The following OGDH variants were observed in gnomAD, a reference collection of about 807,000 sequenced individuals.
OGDH encodes the protein 2-oxoglutarate dehydrogenase complex component E1.
Under a neutral mutation model 116.6 loss-of-function variants are expected in OGDH, and 38 were observed. The ratio of observed to expected loss-of-function variants is 0.33; its 90% CI spans 0.25 to 0.43. The LOEUF is 0.43. OGDH is among the 20% of genes least tolerant of loss of function. The pLI is 1.00. For missense variants in OGDH, 825 were observed against 1,357.2 expected, an observed-to-expected ratio of 0.61 and a Z score of 6.16; for synonymous variants, 488 against 533.3, an observed-to-expected ratio of 0.92 and a Z score of 1.17.
intron 4 of OGDH, among the ~76,000 whole-genome samples, chr7:44,662,464 C>CTTTTT (rs199533460): frequency 5.7e-4 from 75 of 130,756 alleles, no homozygotes; most frequent in Non-Finnish European, 9.4e-4. Flanking sequence ...CTTTTCTTTT[C>CTTTTT]TTTTTTTTTT....
chr7:44,614,220 G>C (rs1171027829), intron 1 of OGDH, among the ~76,000 whole-genome samples: 1 of 151,098 alleles, frequency 6.6e-6, no homozygotes, highest in Non-Finnish European at 1.5e-5. Flanking sequence ...CCAAAGTGCT[G>C]GGATTACAGG....
chr7:44,614,694 A>G (rs916687716), intron 1 of OGDH, among the ~76,000 whole-genome samples: 6 of 152,054 alleles, frequency 3.9e-5, no homozygotes, highest in Admixed American at 1.3e-4. Context: ...TGTTTCAAGC[A>G]TGTTCATAGT....
chr7:44,656,409 T>C, intron 4 of OGDH: 1 of 1,508,538 alleles, frequency 6.6e-7, no homozygotes, highest in South Asian at 1.2e-5. Flanking sequence ...GAGGACTTCA[T>C]TTGAATAGGA....
At chr7:44,610,188 A>T (rs1174395002) in intron 1 of OGDH, among the ~76,000 whole-genome samples, 1 of 152,026 alleles carries the variant, frequency 6.6e-6, no homozygotes, top group Non-Finnish European at 1.5e-5. Context: ...GGTTTTTGTT[A>T]ACTGTTGAGC....
intron 2 of OGDH, among the ~76,000 whole-genome samples, chr7:44,642,694 C>A (rs757346931): frequency 2.0e-5 from 3 of 151,962 alleles, no homozygotes; most frequent in Non-Finnish European, 4.4e-5. Context: ...GAGGCCAAGG[C>A]GGGTGGATCA....
chr7:44,633,240 G>T (rs943025823), intron 2 of OGDH, among the ~76,000 whole-genome samples: 1 of 131,074 alleles, frequency 7.6e-6, no homozygotes, highest in Non-Finnish European at 1.6e-5. Flanking sequence ...GCAACAGAGC[G>T]AGACTCTGTG....
chr7:44,703,873 G>A (rs531513015), intron 20 of OGDH, among the ~76,000 whole-genome samples: 31 of 150,222 alleles, frequency 2.1e-4, no homozygotes, highest in Non-Finnish European at 3.0e-4. Context: ...CAACAAGAGC[G>A]AAACTCCGTC....
At position 44,692,582 on chromosome 7, in the gene OGDH, A is replaced by G. The variant is rs574461371; in HGVS notation, c.1336-1243A>G. On this transcript the variant is annotated intron_variant, in intron 10 of 22. Coordinates refer to ENST00000222673, the MANE Select transcript of OGDH (RefSeq NM_002541.4). ...ATGGCGAAACCGTTGGGATTTGTTC[A>G]TGTTAGGTGAAGGCGTTAAGGATGA... is the stretch of plus-strand genomic sequence containing the variant. 5.9e-5 allele frequency among the ~76,000 whole-genome samples: 9 copies of G among 152,338 alleles called. No individual in the cohort carries two copies. In the South Asian group the frequency reaches 1.7e-3, roughly 28 times the overall value.
intron 2 of OGDH, among the ~76,000 whole-genome samples, chr7:44,627,657 A>T (rs1470423865): frequency 6.6e-6 from 1 of 151,710 alleles, no homozygotes; most frequent in African/African-American, 2.4e-5. Context: ...CTACTTTCCC[A>T]TTGTTGTTTT....
At chr7:44,670,782 G>A (rs994620400) in intron 5 of OGDH, among the ~76,000 whole-genome samples, 1 of 152,028 alleles carries the variant, frequency 6.6e-6, no homozygotes, top group Admixed American at 6.6e-5. Flanking sequence ...AGGCCAAGGC[G>A]GGCGAATCAC....
chr7:44,708,005 G>C lies in OGDH; in HGVS notation c.*6G>C. 1 of 1,610,950 alleles carries C rather than the reference G, an allele frequency of 6.2e-7. No individual in the cohort carries two copies. Among genetic ancestry groups the C allele is most frequent in the Non-Finnish European group, 8.5e-7 (1 of 1,179,244 alleles). ...TCTTCAAGAACTTCTCGTAGATGCT[G>C]CCTAGGGTTGCTTGGGCCACTGCCC... is the stretch of plus-strand genomic sequence containing the variant. On this transcript the variant is annotated 3_prime_UTR_variant, in exon 23 of 23. Coordinates refer to ENST00000222673, the MANE Select transcript of OGDH (RefSeq NM_002541.4).
chr7:44,671,870 C>T (rs1454428506), intron 5 of OGDH, among the ~76,000 whole-genome samples: 2 of 151,294 alleles, frequency 1.3e-5, no homozygotes, highest in East Asian at 3.9e-4. Context: ...GAGATCAAGA[C>T]CATCATGGCT....
At chr7:44,615,729 C>T (rs1384942346) in intron 1 of OGDH, among the ~76,000 whole-genome samples, 27 of 152,104 alleles carry the variant, frequency 1.8e-4, no homozygotes, top group Non-Finnish European at 2.9e-5. Flanking sequence ...ACACATGAAG[C>T]ATAAAGAAAA....
At chr7:44,683,639 T>C (rs1788019732) in intron 10 of OGDH, among the ~76,000 whole-genome samples, 1 of 152,226 alleles carries the variant, frequency 6.6e-6, no homozygotes, top group East Asian at 1.9e-4. Flanking sequence ...CCACTCTTAT[T>C]TACCACATAT....
chr7:44,658,508 C>A (rs1786795326), intron 4 of OGDH, among the ~76,000 whole-genome samples: 1 of 143,904 alleles, frequency 6.9e-6, no homozygotes, highest in African/African-American at 2.6e-5. Context: ...GTCATGTCAT[C>A]TGAAAATAGG....
At chr7:44,614,836 T>C in intron 1 of OGDH, among the ~76,000 whole-genome samples, 1 of 118,304 alleles carries the variant, frequency 8.5e-6, no homozygotes, top group South Asian at 3.8e-4. Context: ...TTTTGGTTCT[T>C]TTTTTTTTTT....
chr7:44,696,272 C>T lies in OGDH; in HGVS notation c.1771+145C>T. On this transcript the variant is annotated intron_variant, in intron 13 of 22. Coordinates refer to ENST00000222673, the MANE Select transcript of OGDH (RefSeq NM_002541.4). ...CCATTTCAGCAAAGCCCCCTGCAGA[C>T]CCTGGACCCAGACCCCTGCATTAAT... 8.4e-6 allele frequency: 9 copies of T among 1,074,216 alleles called. 2 individuals are homozygous for T. In the South Asian group the frequency reaches 1.2e-4, roughly 14 times the overall value. The allele number at this position is 1,074,216 out of a possible 1,614,324, so 66.5% of individuals were successfully genotyped here.
intron 5 of OGDH, among the ~76,000 whole-genome samples, chr7:44,667,164 T>C (rs1787221471): frequency 1.3e-5 from 2 of 152,126 alleles, no homozygotes. Context: ...TTCCTCAGGC[T>C]GGTCTCAAAT....
chr7:44,648,335 G>C (rs1007068258), intron 4 of OGDH, among the ~76,000 whole-genome samples: 4 of 152,334 alleles, frequency 2.6e-5, no homozygotes, highest in African/African-American at 9.6e-5. Context: ...GGAGGTGCAT[G>C]TATGGAGCAC....
Sources: gnomAD v4.1 joint callset for allele counts (sites outside exome capture counted in the v4.1 genomes callset) on GRCh38, gnomAD v4.1.1 for gene constraint, MANE v1.5 for transcripts, NCBI Gene and HGNC (gene_info 2026-07-23, HGNC 2026-07-21) for gene names.